Variants in ADGRL3 observed in about 807,000 individuals in gnomAD.
The protein encoded by ADGRL3 is adhesion G protein-coupled receptor L3.
ADGRL3 carries 62 observed loss-of-function variants against 153.5 expected under a neutral mutation model. That is an observed-to-expected ratio of 0.40 (90% CI 0.33 to 0.50). The LOEUF is 0.50. Ranked by LOEUF, ADGRL3 falls within the 20% of genes least tolerant of loss-of-function variation. ADGRL3 has a pLI of 0.47. For synonymous variants in ADGRL3, 710 were observed against 672.5 expected (o/e 1.06, Z -0.86); for missense variants, 1,641 against 1,859.4 (o/e 0.88, Z 2.16).
chr4:61,344,330 G>T (rs1429676454), intron 1 of ADGRL3, among the ~76,000 whole-genome samples: 2 of 152,118 alleles, frequency 1.3e-5, no homozygotes, highest in African/African-American at 4.8e-5. Context: ...GATTCTGATA[G>T]GTTGCCTGAG....
At chr4:61,801,991 T>C (rs1469489622) in intron 8 of ADGRL3, among the ~76,000 whole-genome samples, 1 of 151,902 alleles carries the variant, frequency 6.6e-6, no homozygotes. Flanking sequence ...GTCCAAGTTG[T>C]CTCTCCTTTA....
chr4:61,211,479 G>T (rs1283117980), intron 1 of ADGRL3, among the ~76,000 whole-genome samples: 2 of 152,182 alleles, frequency 1.3e-5, no homozygotes, highest in Non-Finnish European at 2.9e-5. Context: ...GCTTGAAGAA[G>T]AAAAGGCTCA....
intron 8 of ADGRL3, among the ~76,000 whole-genome samples, chr4:61,742,189 C>T (rs181880242): frequency 3.9e-4 from 59 of 152,280 alleles, no homozygotes; most frequent in East Asian, 1.5e-3. Context: ...GACTCTATTA[C>T]GTAATAGCTG....
intron 11 of ADGRL3, among the ~76,000 whole-genome samples, chr4:61,908,609 A>AG (rs1491485385): frequency 8.4e-4 from 62 of 73,674 alleles, no homozygotes; most frequent in Non-Finnish European, 1.5e-3. Flanking sequence ...ACAACGCCTC[A>AG]AAAAAAAAAA....
At chr4:61,764,036 A>T (rs1343617915) in intron 8 of ADGRL3, among the ~76,000 whole-genome samples, 1 of 152,226 alleles carries the variant, frequency 6.6e-6, no homozygotes, top group Non-Finnish European at 1.5e-5. Context: ...AAGTCATGTG[A>T]ACATGAAAAC....
chr4:62,071,699 A>G lies in ADGRL3; in HGVS notation c.*791A>G. 1 of 426,884 alleles carries G rather than the reference A, an allele frequency of 2.3e-6. No homozygotes were observed. The highest frequency in any genetic ancestry group is 1.8e-5 in the South Asian group (1 of 57,028). 26.4% of individuals were successfully genotyped at this position (426,884 alleles called of 1,614,324 possible). A position where few individuals can be genotyped will look rare whatever the true frequency, so the allele number is the denominator to read the frequency against. ...GGTCTTGCAAGTTTGTCTACCAGTA[A>G]GAGAGCAAAGTTTCCTTCCTTTCTT... is the stretch of plus-strand genomic sequence containing the variant. On this transcript the variant is annotated 3_prime_UTR_variant, in exon 27 of 27. Transcript: ENST00000683033.
At chr4:61,684,116 T>C (rs552420742) in intron 6 of ADGRL3, among the ~76,000 whole-genome samples, 3 of 152,162 alleles carry the variant, frequency 2.0e-5, no homozygotes, top group African/African-American at 4.8e-5. Context: ...GCAGAAATCT[T>C]GGACTTCCCT....
intron 8 of ADGRL3, among the ~76,000 whole-genome samples, chr4:61,799,004 T>TATAC (rs2097451896): frequency 1.9e-5 from 1 of 53,784 alleles, no homozygotes; most frequent in Non-Finnish European, 3.4e-5. Context: ...AAACAGTATA[T>TATAC]ATATATATAT....
At chr4:61,774,406 T>A (rs1407094573) in intron 8 of ADGRL3, among the ~76,000 whole-genome samples, 7 of 133,922 alleles carry the variant, frequency 5.2e-5, no homozygotes, top group African/African-American at 1.4e-4. Context: ...AAGGGAAACA[T>A]AAAAAAAAAA....
chr4:61,362,966 T>C (rs1206234328), intron 1 of ADGRL3, among the ~76,000 whole-genome samples: 2 of 152,200 alleles, frequency 1.3e-5, no homozygotes, highest in Admixed American at 1.3e-4. Context: ...GAAAATCTCA[T>C]CGTCCTATAT....
intron 25 of ADGRL3, among the ~76,000 whole-genome samples, chr4:62,065,436 C>T (rs1742486958): frequency 6.6e-6 from 1 of 151,932 alleles, no homozygotes; most frequent in Non-Finnish European, 1.5e-5. Flanking sequence ...CCTATAAAGG[C>T]TTGTTTTATT....
chr4:61,275,555 T>A (rs2093420416), intron 1 of ADGRL3, among the ~76,000 whole-genome samples: 1 of 152,170 alleles, frequency 6.6e-6, no homozygotes, highest in Admixed American at 6.5e-5. Flanking sequence ...AATCTCAGAG[T>A]GTCCTGCATA....
At chr4:61,709,809 A>G (rs1359070974) in intron 6 of ADGRL3, among the ~76,000 whole-genome samples, 4 of 152,206 alleles carry the variant, frequency 2.6e-5, no homozygotes, top group South Asian at 2.1e-4. Context: ...AATGATTACA[A>G]TCAAATCCTG....
intron 8 of ADGRL3, among the ~76,000 whole-genome samples, chr4:61,782,466 T>A (rs2097224540): frequency 6.6e-6 from 1 of 152,162 alleles, no homozygotes; most frequent in South Asian, 2.1e-4. Context: ...TAATAAGTAG[T>A]GCTAAAAATA....
chr4:62,049,032 ATT>A (rs1732706140), intron 25 of ADGRL3, among the ~76,000 whole-genome samples: 1 of 152,114 alleles, frequency 6.6e-6, no homozygotes, highest in South Asian at 2.1e-4. Context: ...TAAATATTAT[ATT>A]TGTTAGGCTT....
chr4:61,438,726 TAGACG>T (rs2097486798), intron 2 of ADGRL3, among the ~76,000 whole-genome samples: 1 of 147,268 alleles, frequency 6.8e-6, no homozygotes, highest in African/African-American at 2.5e-5. Flanking sequence ...TTTTTTTTTT[TAGACG>T]GAGTCTCGCT....
intron 1 of ADGRL3, among the ~76,000 whole-genome samples, chr4:61,249,091 G>A (rs1758187484): frequency 1.3e-5 from 2 of 152,088 alleles, no homozygotes; most frequent in African/African-American, 4.8e-5. Context: ...TAGAGTCTTC[G>A]TGTCTATCTT....
chr4:62,033,326 T>C (rs1723204190), intron 23 of ADGRL3, among the ~76,000 whole-genome samples: 1 of 151,690 alleles, frequency 6.6e-6, no homozygotes, highest in African/African-American at 2.4e-5. Context: ...CAGAAAAACA[T>C]AGTATAGCTT....
At chr4:61,225,543 C>T (rs183483415) in intron 1 of ADGRL3, among the ~76,000 whole-genome samples, 201 of 152,110 alleles carry the variant, frequency 1.3e-3, no homozygotes, top group Non-Finnish European at 2.2e-3. Context: ...AAATATGATT[C>T]GTTATGTAAG....
Sources: gnomAD v4.1 joint callset for allele counts (sites outside exome capture counted in the v4.1 genomes callset) on GRCh38, gnomAD v4.1.1 for gene constraint, MANE v1.5 for transcripts, NCBI Gene and HGNC (gene_info 2026-07-23, HGNC 2026-07-21) for gene names.